GALNT17: variants seen among roughly 807,000 people sequenced by gnomAD.
GALNT17 encodes polypeptide N-acetylgalactosaminyltransferase 17.
A neutral mutation model predicts 63.7 loss-of-function variants in GALNT17; 29 were observed. That is an observed-to-expected ratio of 0.46 (90% CI 0.34 to 0.62). GALNT17 has a LOEUF of 0.62. Ranked by LOEUF, GALNT17 falls within the 20% of genes least tolerant of loss-of-function variation. The pLI, the probability that GALNT17 is intolerant of heterozygous loss-of-function variation, is 0.01. For synonymous variants in GALNT17, 305 were observed against 318.3 expected, an observed-to-expected ratio of 0.96 and a Z score of 0.45; for missense variants, 603 against 799.6, an observed-to-expected ratio of 0.75 and a Z score of 2.97.
chr7:71,344,179 A>AAG (rs1233885291), intron 2 of GALNT17, among the ~76,000 whole-genome samples: 1 of 152,054 alleles, frequency 6.6e-6, no homozygotes, highest in African/African-American at 2.4e-5. Context: ...TCTTATTGGC[A>AAG]AGCAGGAGTT....
chr7:71,185,550 T>A (rs1224437298), intron 1 of GALNT17, among the ~76,000 whole-genome samples: 1 of 134,804 alleles, frequency 7.4e-6, no homozygotes, highest in Non-Finnish European at 1.5e-5. Flanking sequence ...TGAGACGGAG[T>A]CTGGCTCTGT....
chr7:71,652,772 TAGGA>T (rs934514500), intron 6 of GALNT17, among the ~76,000 whole-genome samples: 1 of 152,072 alleles, frequency 6.6e-6, no homozygotes, highest in African/African-American at 2.4e-5. Flanking sequence ...TTCCTGTCAG[TAGGA>T]AGGAAGACAT....
At chr7:71,178,590 C>G (rs539550457) in intron 1 of GALNT17, among the ~76,000 whole-genome samples, 7 of 151,696 alleles carry the variant, frequency 4.6e-5, no homozygotes, top group African/African-American at 1.7e-4. Context: ...GTCTTTTTTT[C>G]TTCACTGCTT....
chr7:71,418,422 GT>G lies in GALNT17; in HGVS notation c.764+2362del, dbSNP rs144880949. Among the ~76,000 whole-genome samples, 645 of 152,284 alleles carry G rather than the reference GT, an allele frequency of 4.2e-3. 3 individuals carry two copies. Among genetic ancestry groups the G allele is most frequent in the Non-Finnish European group, 6.8e-3 (465 of 68,022 alleles). On this transcript the variant is annotated intron_variant, in intron 4 of 10. Transcript: ENST00000333538. The stretch of plus-strand genomic sequence containing the variant: ...GTCACAATGACTTACAACAATACAT[GT>G]TTCTCTCTTGTCTGCATGGCACGTC...
At chr7:71,195,278 T>C (rs1259585656) in intron 1 of GALNT17, among the ~76,000 whole-genome samples, 2 of 152,170 alleles carry the variant, frequency 1.3e-5, no homozygotes, top group African/African-American at 2.4e-5. Context: ...TGCATTGGCA[T>C]GATCATAACT....
At chr7:71,159,468 C>A (rs1003458277) in intron 1 of GALNT17, among the ~76,000 whole-genome samples, 8 of 151,058 alleles carry the variant, frequency 5.3e-5, no homozygotes, top group African/African-American at 2.0e-4. Context: ...ACAAAACATT[C>A]AACTTGGTTT....
At chr7:71,395,166 T>C (rs894393727) in intron 3 of GALNT17, among the ~76,000 whole-genome samples, 8 of 152,160 alleles carry the variant, frequency 5.3e-5, no homozygotes, top group Admixed American at 4.6e-4. Flanking sequence ...TTTGCACCTA[T>C]CACCACTACC....
At chr7:71,544,437 C>T (rs963692613) in intron 5 of GALNT17, among the ~76,000 whole-genome samples, 17 of 152,010 alleles carry the variant, frequency 1.1e-4, no homozygotes, top group African/African-American at 4.1e-4. Context: ...CCACCACACC[C>T]GGCCAAGGCA....
intron 3 of GALNT17, among the ~76,000 whole-genome samples, chr7:71,415,332 T>A (rs1262185289): frequency 2.6e-5 from 4 of 152,170 alleles, no homozygotes; most frequent in Non-Finnish European, 5.9e-5. Context: ...TCTAGCAACC[T>A]CCTAGGGTTT....
intron 1 of GALNT17, among the ~76,000 whole-genome samples, chr7:71,150,757 A>G (rs1184556806): frequency 4.6e-5 from 7 of 151,160 alleles, no homozygotes; most frequent in South Asian, 2.1e-4. Flanking sequence ...TGATCCGCCC[A>G]CCTCGGCCTC....
intron 3 of GALNT17, among the ~76,000 whole-genome samples, chr7:71,411,134 C>CT (rs1207407429): frequency 6.7e-6 from 1 of 149,948 alleles, no homozygotes; most frequent in African/African-American, 2.5e-5. Flanking sequence ...CTTTTTTTTT[C>CT]TTTTTTGAGA....
In GALNT17 at chr7:71,132,916, C is replaced by T. The variant is rs1437370520; in HGVS notation, c.114C>T (p.Ala38=). The part of the protein sequence containing the change: ...CRPIAVRSGD[A]FHEIRPRAEV... ...CCATCGCGGTGCGCAGCGGAGACGC[C>T]TTCCACGAGATCCGGCCGCGCGCCG... The change falls in exon 1 of 11, where the codon GCC becomes GCT. Residue 38 remains alanine, a synonymous_variant. Transcript: ENST00000333538. 1.2e-6 allele frequency: 2 copies of T among 1,612,392 alleles called. No homozygotes were observed. Among genetic ancestry groups the T allele is most frequent in the South Asian group, 1.1e-5 (1 of 91,030 alleles).
intron 2 of GALNT17, among the ~76,000 whole-genome samples, chr7:71,377,006 A>G (rs1466996934): frequency 3.4e-5 from 5 of 148,496 alleles, no homozygotes; most frequent in African/African-American, 5.0e-5. Flanking sequence ...GAATCACTTG[A>G]GGCCAGAAGG....
intron 5 of GALNT17, among the ~76,000 whole-genome samples, chr7:71,563,879 A>G (rs1286140333): frequency 6.6e-6 from 1 of 151,958 alleles, no homozygotes; most frequent in Non-Finnish European, 1.5e-5. Context: ...ATACTTGGCT[A>G]ATTTTTTAAT....
intron 3 of GALNT17, among the ~76,000 whole-genome samples, chr7:71,390,398 T>C (rs1793028989): frequency 6.6e-6 from 1 of 152,222 alleles, no homozygotes; most frequent in South Asian, 2.1e-4. Context: ...GTTTGCCTTC[T>C]CTGGGACCTC....
At chr7:71,257,696 G>A (rs1790313155) in intron 1 of GALNT17, among the ~76,000 whole-genome samples, 2 of 152,266 alleles carry the variant, frequency 1.3e-5, no homozygotes, top group Admixed American at 6.5e-5. Flanking sequence ...TCCCTTCCAG[G>A]CCACTGTGGG....
At chr7:71,166,314 T>C (rs935113890) in intron 1 of GALNT17, among the ~76,000 whole-genome samples, 15 of 152,220 alleles carry the variant, frequency 9.9e-5, no homozygotes, top group African/African-American at 3.4e-4. Flanking sequence ...ATTATTTACT[T>C]GGGCTTTAAG....
At chr7:71,437,433 T>C (rs969835976) in intron 5 of GALNT17, among the ~76,000 whole-genome samples, 1 of 152,184 alleles carries the variant, frequency 6.6e-6, no homozygotes, top group East Asian at 1.9e-4. Flanking sequence ...CTACGAACCA[T>C]CACAGTTGAT....
rs1338175018 is a variant in GALNT17, at chr7:71,590,639, C to A, written c.1080+19237C>A. On this transcript the variant is annotated intron_variant, in intron 6 of 10. Coordinates refer to ENST00000333538, the MANE Select transcript of GALNT17 (RefSeq NM_022479.3). ...TTTCCACAGAAAAAGGGAGGGGACT[C>A]AACCTGCCCCTATTCTATTTAGGGC... Among the ~76,000 whole-genome samples, 10 of 152,346 alleles carry A rather than the reference C, an allele frequency of 6.6e-5. No individual in the cohort carries two copies. In the South Asian group the frequency reaches 1.7e-3, roughly 25 times the overall value.
Sources: gnomAD v4.1 joint callset for allele counts (sites outside exome capture counted in the v4.1 genomes callset) on GRCh38, gnomAD v4.1.1 for gene constraint, MANE v1.5 for transcripts, NCBI Gene and HGNC (gene_info 2026-07-23, HGNC 2026-07-21) for gene names.